Variants in GFRA1 observed in about 807,000 individuals in gnomAD.
The protein encoded by GFRA1 is GDNF family receptor alpha-1.
A neutral mutation model predicts 51.6 loss-of-function variants in GFRA1; 16 were observed. The ratio of observed to expected loss-of-function variants is 0.31; its 90% CI spans 0.21 to 0.47. The LOEUF (loss-of-function observed/expected upper bound fraction) is 0.47. Ranked by LOEUF, GFRA1 falls within the 20% of genes least tolerant of loss-of-function variation. The probability of loss-of-function intolerance (pLI) is 1.00; values close to 1 mark genes in which losing one functional copy is unlikely to be tolerated. For synonymous variants in GFRA1, 270 were observed against 241.3 expected (o/e 1.12, Z -1.10); for missense variants, 530 against 594.3 (o/e 0.89, Z 1.13).
At chr10:116,182,256 G>A (rs1478656501) in intron 5 of GFRA1, among the ~76,000 whole-genome samples, 1 of 152,104 alleles carries the variant, frequency 6.6e-6, no homozygotes, top group Non-Finnish European at 1.5e-5. Flanking sequence ...ATGACTAACT[G>A]ACCTAATGAT....
At chr10:116,200,884 A>C (rs1354490284) in intron 5 of GFRA1, among the ~76,000 whole-genome samples, 1 of 152,244 alleles carries the variant, frequency 6.6e-6, no homozygotes, top group East Asian at 1.9e-4. Context: ...TCTGGGGAGA[A>C]AGCGAGTTAA....
At chr10:116,170,773 G>C (rs1386347698) in intron 5 of GFRA1, among the ~76,000 whole-genome samples, 1 of 152,134 alleles carries the variant, frequency 6.6e-6, no homozygotes, top group Non-Finnish European at 1.5e-5. Context: ...TCATAAAAGT[G>C]GGCTCAGATA....
chr10:116,211,883 AACC>A (rs1275146617), intron 4 of GFRA1, among the ~76,000 whole-genome samples: 1 of 152,158 alleles, frequency 6.6e-6, no homozygotes, highest in Admixed American at 6.5e-5. Flanking sequence ...CAGTTCCCTA[AACC>A]ACAAAATAGA....
chr10:116,188,525 C>T, intron 5 of GFRA1, among the ~76,000 whole-genome samples: 2 of 152,056 alleles, frequency 1.3e-5, no homozygotes, highest in Non-Finnish European at 2.9e-5. Context: ...ATGAAAAAGT[C>T]CTGGAGATGG....
chr10:116,239,959 G>GT (rs1487322400), intron 4 of GFRA1, among the ~76,000 whole-genome samples: 1 of 152,058 alleles, frequency 6.6e-6, no homozygotes, highest in Non-Finnish European at 1.5e-5. Context: ...AGACTGAAAG[G>GT]TTACAACGTG....
intron 5 of GFRA1, among the ~76,000 whole-genome samples, chr10:116,140,468 G>A (rs1958515034): frequency 6.6e-6 from 1 of 152,104 alleles, no homozygotes; most frequent in African/African-American, 2.4e-5. Flanking sequence ...TGATGTTTGG[G>A]GATTGAAATG....
At chr10:116,108,965 C>T (rs767569270) in intron 6 of GFRA1, among the ~76,000 whole-genome samples, 27 of 152,320 alleles carry the variant, frequency 1.8e-4, no homozygotes, top group Admixed American at 6.5e-4. Context: ...ACACTCATCA[C>T]GGACACTTGG....
intron 5 of GFRA1, among the ~76,000 whole-genome samples, chr10:116,156,864 G>T (rs1346588793): frequency 1.3e-5 from 2 of 151,624 alleles, no homozygotes; most frequent in African/African-American, 4.8e-5. Flanking sequence ...TCCAAACTAG[G>T]GGGAGGCTTC....
chr10:116,205,975 G>A (rs1371232881), intron 5 of GFRA1, among the ~76,000 whole-genome samples: 1 of 123,432 alleles, frequency 8.1e-6, no homozygotes, highest in Non-Finnish European at 1.8e-5. Flanking sequence ...CACACAAAGT[G>A]AATCTATGCA....
intron 5 of GFRA1, among the ~76,000 whole-genome samples, chr10:116,180,166 C>T (rs1053037937): frequency 2.0e-5 from 3 of 152,110 alleles, no homozygotes; most frequent in Non-Finnish European, 4.4e-5. Context: ...TTTAAAGTGC[C>T]TGGCTGAGGT....
rs894774176 is a variant in GFRA1 at position 116,098,585 on chromosome 10, G to A, written c.771-1821C>T. ...TGCAAGTTCAGGCAGCTGGGGCTCC[G>A]GTTCTGCACACAACCTGGCTGCTGA... On this transcript the variant is annotated intron_variant, in intron 6 of 10. Coordinates refer to ENST00000355422, the MANE Select transcript of GFRA1 (RefSeq NM_005264.8). Among the ~76,000 whole-genome samples, 3 of 152,142 alleles carry A rather than the reference G, an allele frequency of 2.0e-5. No homozygotes were observed. The East Asian group carries it at 5.8e-4, about 29-fold the overall frequency.
At chr10:116,069,658 T>C (rs911588748) in intron 9 of GFRA1, among the ~76,000 whole-genome samples, 1 of 152,210 alleles carries the variant, frequency 6.6e-6, no homozygotes, top group Non-Finnish European at 1.5e-5. Flanking sequence ...ATAAATGCAT[T>C]AGAGGCTGTT....
At chr10:116,105,426 G>C (rs111263195) in intron 6 of GFRA1, among the ~76,000 whole-genome samples, 1 of 152,324 alleles carries the variant, frequency 6.6e-6, no homozygotes, top group Non-Finnish European at 1.5e-5. Flanking sequence ...ACCTTCGGAA[G>C]TAAATGCCTG....
At chr10:116,187,492 A>G (rs528552369) in intron 5 of GFRA1, among the ~76,000 whole-genome samples, 2 of 152,330 alleles carry the variant, frequency 1.3e-5, no homozygotes, top group East Asian at 3.9e-4. Context: ...CTTGAGAACT[A>G]TCTTATTTTT....
At chr10:116,251,894 G>A (rs1024606746) in intron 4 of GFRA1, among the ~76,000 whole-genome samples, 9 of 149,912 alleles carry the variant, frequency 6.0e-5, no homozygotes, top group Non-Finnish European at 1.5e-5. Context: ...AGGAGGGAGG[G>A]CAAAAGAGGC....
At chr10:116,126,125 A>C (rs2134026281) in intron 5 of GFRA1, among the ~76,000 whole-genome samples, 1 of 152,376 alleles carries the variant, frequency 6.6e-6, no homozygotes, top group East Asian at 1.9e-4. Flanking sequence ...TTTAAATTTT[A>C]GCTCGCAGGG....
Position 116,070,806 on chromosome 10 carries a change from T to C in GFRA1, c.1198-5180A>G, listed in dbSNP as rs1029169976. Among the ~76,000 whole-genome samples, 3 of 137,460 alleles carry C rather than the reference T, an allele frequency of 2.2e-5. No homozygotes were observed. In the East Asian group the frequency reaches 7.2e-4, roughly 33 times the overall value. The allele number at this position is 137,460 out of a possible 152,430, so 90.2% of individuals were successfully genotyped here. On this transcript the variant is annotated intron_variant, in intron 9 of 10. Transcript: ENST00000355422. ...TGGCTTTGGATTTTGCCTATTGACA[T>C]CTGGGATTGCTGGGAGAAGTTTTAT...
chr10:116,225,278 T>A (rs1966197540), intron 4 of GFRA1, among the ~76,000 whole-genome samples: 1 of 152,094 alleles, frequency 6.6e-6, no homozygotes, highest in Non-Finnish European at 1.5e-5. Context: ...GGCTCACACC[T>A]GTAATCCCAG....
intron 4 of GFRA1, among the ~76,000 whole-genome samples, chr10:116,263,186 G>T (rs1222929130): frequency 2.0e-5 from 3 of 152,132 alleles, no homozygotes; most frequent in Admixed American, 1.3e-4. Context: ...TGAAGGCTCA[G>T]GTTTGCTACC....
Sources: gnomAD v4.1 joint callset for allele counts (sites outside exome capture counted in the v4.1 genomes callset) on GRCh38, gnomAD v4.1.1 for gene constraint, MANE v1.5 for transcripts, NCBI Gene and HGNC (gene_info 2026-07-23, HGNC 2026-07-21) for gene names.